The following CFAP61 variants were observed in gnomAD, a reference collection of about 807,000 sequenced individuals.
CFAP61 encodes the protein cilia- and flagella-associated protein 61.
Under a neutral mutation model 135.6 loss-of-function variants are expected in CFAP61, and 107 were observed. That is an observed-to-expected ratio of 0.79 (90% confidence interval 0.67 to 0.93). The LOEUF is 0.93. CFAP61 is among the 40% of genes least tolerant of loss of function. CFAP61 has a pLI of 0.00. For missense variants in CFAP61, 1,507 were observed against 1,556.2 expected (o/e 0.97, Z 0.53); for synonymous variants, 575 against 578.5 (o/e 0.99, Z 0.09).
intron 9 of CFAP61, among the ~76,000 whole-genome samples, chr20:20,153,515 A>G (rs1003019610): frequency 4.6e-5 from 7 of 152,128 alleles, no homozygotes; most frequent in African/African-American, 1.7e-4. Context: ...AATAGCCTCA[A>G]TTAGAAATGA....
chr20:20,331,754 CT>C (rs113099116), intron 25 of CFAP61, among the ~76,000 whole-genome samples: 6,142 of 150,230 alleles, frequency 0.041, 395 homozygotes, highest in African/African-American at 0.14. Context: ...CACATATACA[CT>C]TTTTTTTTTC....
chr20:20,088,455 A>C (rs979023809), intron 6 of CFAP61, among the ~76,000 whole-genome samples: 1 of 152,220 alleles, frequency 6.6e-6, no homozygotes, highest in Non-Finnish European at 1.5e-5. Flanking sequence ...GCAGCAAGAA[A>C]GAACAATGAG....
At position 20,311,084 on chromosome 20, in the gene CFAP61, C is replaced by T. The variant is rs533271208; in HGVS notation, c.3422+12698C>T. 9.5e-4 allele frequency among the ~76,000 whole-genome samples: 145 copies of T among 152,320 alleles called. 1 individual carries two copies. Among genetic ancestry groups the T allele is most frequent in the Non-Finnish European group, 4.7e-4 (32 of 68,034 alleles). On this transcript the variant is annotated intron_variant, in intron 25 of 26. Transcript: ENST00000245957. The stretch of plus-strand genomic sequence containing the variant: ...CCCTTCCCGGCCTGTGATATTTTGG[C>T]TAAATCATGCTACACAGTATCTTGA...
intron 6 of CFAP61, among the ~76,000 whole-genome samples, chr20:20,081,969 TG>T (rs1455233087): frequency 6.6e-6 from 1 of 152,194 alleles, no homozygotes; most frequent in Non-Finnish European, 1.5e-5. Context: ...GTAGAGAGTG[TG>T]GCACATTTTA....
chr20:20,271,204 G>A (rs1197315960), intron 21 of CFAP61, among the ~76,000 whole-genome samples: 1 of 152,120 alleles, frequency 6.6e-6, no homozygotes, highest in Non-Finnish European at 1.5e-5. Context: ...GCTGAGGCAG[G>A]AGGATTGCTG....
At chr20:20,134,819 TGATTTGGACAGGTA>T (rs1353457090) in intron 8 of CFAP61, among the ~76,000 whole-genome samples, 1 of 152,214 alleles carries the variant, frequency 6.6e-6, no homozygotes, top group Non-Finnish European at 1.5e-5. Context: ...CAATCATTTC[TGATTTGGACAGGTA>T]GAGAGTTTGA....
In CFAP61 at chr20:20,071,021, A is replaced by G. The variant is rs1469476520; in HGVS notation, c.294+17A>G. The G allele has an allele frequency of 1.9e-6, 3 of 1,609,678 alleles. No homozygotes were observed. The highest frequency in any genetic ancestry group is 2.5e-6 in the Non-Finnish European group (3 of 1,177,970). On this transcript the variant is annotated intron_variant, in intron 3 of 26. Transcript: ENST00000245957. ...CCATGCACAGTAAGAAATCACATAC[A>G]GTGCTTGTTAGAACACCCTGAATCT...
intron 10 of CFAP61, among the ~76,000 whole-genome samples, chr20:20,160,090 C>T (rs923815914): frequency 3.9e-5 from 6 of 152,188 alleles, no homozygotes; most frequent in South Asian, 2.1e-4. Context: ...TCCTGTGAAC[C>T]CTGCTCAGGA....
intron 8 of CFAP61, among the ~76,000 whole-genome samples, chr20:20,104,106 T>C (rs1231089116): frequency 6.6e-6 from 1 of 152,138 alleles, no homozygotes; most frequent in Non-Finnish European, 1.5e-5. Context: ...CATAATAGAG[T>C]TATGGGCATT....
intron 15 of CFAP61, among the ~76,000 whole-genome samples, chr20:20,192,474 C>T (rs2055992948): frequency 1.3e-5 from 2 of 151,986 alleles, no homozygotes; most frequent in African/African-American, 4.8e-5. Context: ...TCAGGTGCCT[C>T]AGCAGGCTGA....
chr20:20,168,571 G>A (rs532766980), intron 12 of CFAP61, among the ~76,000 whole-genome samples: 3 of 152,184 alleles, frequency 2.0e-5, no homozygotes, highest in Admixed American at 6.5e-5. Context: ...CATAATCCAA[G>A]CACACATAAA....
chr20:20,211,354 C>G lies in CFAP61; in HGVS notation c.1932+11452C>G, dbSNP rs183172967. ...CACAGTCCTCAGTTCTCAATCTGCT[C>G]TCATTCTCCAGGGTTGAGCCACTTT... On this transcript the variant is annotated intron_variant, in intron 17 of 26. Transcript: ENST00000245957. Among the ~76,000 whole-genome samples the G allele has an allele frequency of 3.4e-3, 517 of 152,302 alleles. 11 individuals carry two copies. Among genetic ancestry groups the G allele is most frequent in the Admixed American group, 0.031 (468 of 15,302 alleles).
rs539130622 is a variant in CFAP61 at position 20,358,161 on chromosome 20, A to C, written c.3514-2049A>C. On this transcript the variant is annotated intron_variant, in intron 26 of 26. Transcript: ENST00000245957. ...GAGAGGAGGTGGTCACACTGAGGGG[A>C]GGTGGTCACACTGAGGGGAAGTGGT... 1.4e-3 allele frequency among the ~76,000 whole-genome samples: 171 copies of C among 124,870 alleles called. 3 individuals carry two copies. Among genetic ancestry groups the C allele is most frequent in the Non-Finnish European group, 2.5e-3 (149 of 59,616 alleles). The allele number at this position is 124,870 out of a possible 152,430, so 81.9% of individuals were successfully genotyped here.
At chr20:20,128,920 C>G (rs1207639407) in intron 8 of CFAP61, among the ~76,000 whole-genome samples, 2 of 151,440 alleles carry the variant, frequency 1.3e-5, no homozygotes, top group Non-Finnish European at 2.9e-5. Flanking sequence ...ACTCCATTCC[C>G]CAAGATTTTG....
At chr20:20,184,437 A>T (rs1248349903) in intron 13 of CFAP61, 1 of 152,218 alleles carries the variant, frequency 6.6e-6, no homozygotes, top group Non-Finnish European at 1.5e-5. Context: ...CAAACAGTGA[A>T]AAACAAAATA....
At chr20:20,340,890 G>A (rs576696791) in intron 25 of CFAP61, among the ~76,000 whole-genome samples, 4 of 152,240 alleles carry the variant, frequency 2.6e-5, no homozygotes, top group Non-Finnish European at 2.9e-5. Flanking sequence ...ACTGCTGAGT[G>A]CCAGGCTGTC....
intron 25 of CFAP61, among the ~76,000 whole-genome samples, chr20:20,338,444 T>C (rs1275887437): frequency 6.6e-6 from 1 of 152,266 alleles, no homozygotes; most frequent in African/African-American, 2.4e-5. Context: ...AAAACTAGAA[T>C]GCTTTTTGTT....
intron 9 of CFAP61, among the ~76,000 whole-genome samples, chr20:20,156,226 G>T (rs1173985363): frequency 2.6e-5 from 4 of 151,962 alleles, no homozygotes; most frequent in Non-Finnish European, 4.4e-5. Context: ...GACTGAGTAG[G>T]GTTTATTCTA....
At chr20:20,099,768 A>G (rs748251613) in intron 8 of CFAP61, among the ~76,000 whole-genome samples, 1 of 152,184 alleles carries the variant, frequency 6.6e-6, no homozygotes, top group Non-Finnish European at 1.5e-5. Flanking sequence ...CTGAAAGATT[A>G]CACCAAGATT....
Sources: gnomAD v4.1 joint callset for allele counts (sites outside exome capture counted in the v4.1 genomes callset) on GRCh38, gnomAD v4.1.1 for gene constraint, MANE v1.5 for transcripts, NCBI Gene and HGNC (gene_info 2026-07-23, HGNC 2026-07-21) for gene names.